AGMO: variants seen among roughly 807,000 people sequenced by gnomAD.
The protein encoded by AGMO is alkylglycerol monooxygenase.
A neutral mutation model predicts 60.2 loss-of-function variants in AGMO; 75 were observed. That is an observed-to-expected ratio of 1.25 (90% CI 1.03 to 1.51). AGMO has a LOEUF of 1.51. Among genes scored for constraint, AGMO ranks in the 40% most tolerant of loss-of-function variants. The probability of loss-of-function intolerance (pLI) is 0.00; values close to 1 mark genes in which losing one functional copy is unlikely to be tolerated. For missense variants in AGMO, 763 were observed against 525.5 expected (o/e 1.45, Z -4.42); for synonymous variants, 261 against 177.1 (o/e 1.47, Z -3.76).
At chr7:15,380,694 T>C (rs911800770) in intron 10 of AGMO, among the ~76,000 whole-genome samples, 1 of 152,116 alleles carries the variant, frequency 6.6e-6, no homozygotes, top group African/African-American at 2.4e-5. Flanking sequence ...AAAATGCACA[T>C]GGAACCAATA....
chr7:15,450,804 C>T (rs954590443), intron 3 of AGMO, among the ~76,000 whole-genome samples: 37 of 152,128 alleles, frequency 2.4e-4, no homozygotes, highest in Middle Eastern at 3.2e-3. Flanking sequence ...TATTCACTCT[C>T]CTTTAATAAA....
At chr7:15,470,813 A>G (rs1368002808) in intron 3 of AGMO, among the ~76,000 whole-genome samples, 1 of 151,998 alleles carries the variant, frequency 6.6e-6, no homozygotes, top group Non-Finnish European at 1.5e-5. Flanking sequence ...ACCAATAAAC[A>G]TAAATACTTA....
chr7:15,140,761 T>C, the AGMO span, among the ~76,000 whole-genome samples: 2 of 152,206 alleles, frequency 1.3e-5, no homozygotes, highest in Admixed American at 1.3e-4. Context: ...TTTTTTTACA[T>C]ACTTTTTTGC....
At chr7:15,464,654 G>A (rs988165295) in intron 3 of AGMO, among the ~76,000 whole-genome samples, 3 of 152,242 alleles carry the variant, frequency 2.0e-5, no homozygotes, top group Admixed American at 6.5e-5. Flanking sequence ...AATCTGAGGT[G>A]AGGTTAGAGG....
At chr7:15,227,153 G>T (rs570730258) in intron 12 of AGMO, among the ~76,000 whole-genome samples, 1 of 151,912 alleles carries the variant, frequency 6.6e-6, no homozygotes, top group Non-Finnish European at 1.5e-5. Flanking sequence ...TTGAACTCCT[G>T]CATACCAAAC....
At chr7:15,441,619 T>C (rs1172507305) in intron 3 of AGMO, among the ~76,000 whole-genome samples, 1 of 151,910 alleles carries the variant, frequency 6.6e-6, no homozygotes, top group Non-Finnish European at 1.5e-5. Flanking sequence ...TCAATAGAGT[T>C]AGCTAGGATT....
chr7:15,275,242 AATATT>A (rs1283596044), intron 12 of AGMO, among the ~76,000 whole-genome samples: 2 of 152,000 alleles, frequency 1.3e-5, no homozygotes, highest in South Asian at 2.1e-4. Flanking sequence ...TTGGTATATT[AATATT>A]ATGTCTCCTC....
chr7:15,408,815 A>G (rs2128491828), intron 5 of AGMO, among the ~76,000 whole-genome samples: 1 of 151,972 alleles, frequency 6.6e-6, no homozygotes, highest in Non-Finnish European at 1.5e-5. Flanking sequence ...ATAATTAAAT[A>G]AGTAAATACA....
the AGMO span, among the ~76,000 whole-genome samples, chr7:15,183,276 GGAA>G: frequency 1.3e-5 from 2 of 151,996 alleles, no homozygotes; most frequent in Non-Finnish European, 2.9e-5. Flanking sequence ...CCACAAAACT[GGAA>G]GAAGATTCAA....
intron 12 of AGMO, among the ~76,000 whole-genome samples, chr7:15,341,199 C>G (rs1781836145): frequency 1.3e-5 from 2 of 152,172 alleles, no homozygotes; most frequent in African/African-American, 4.8e-5. Flanking sequence ...TGAAATTTCT[C>G]TCCAGAAAAT....
At chr7:15,146,457 T>A in the AGMO span, among the ~76,000 whole-genome samples, 1 of 151,636 alleles carries the variant, frequency 6.6e-6, no homozygotes, top group Non-Finnish European at 1.5e-5. Flanking sequence ...AATCATTTCC[T>A]AGGCCTAGCT....
chr7:15,324,148 G>A (rs780739383), intron 12 of AGMO, among the ~76,000 whole-genome samples: 36 of 152,246 alleles, frequency 2.4e-4, no homozygotes, highest in Non-Finnish European at 4.6e-4. Flanking sequence ...TTACTCCAGC[G>A]CAGCAACCCA....
intron 12 of AGMO, among the ~76,000 whole-genome samples, chr7:15,295,070 A>G (rs1171340633): frequency 6.6e-6 from 1 of 151,906 alleles, no homozygotes; most frequent in African/African-American, 2.4e-5. Flanking sequence ...TATGAACATA[A>G]TTATAATTGC....
rs1345759463 is a variant in AGMO at position 15,475,441 on chromosome 7, A to G, written c.410-44333T>C. On this transcript the variant is annotated intron_variant, in intron 3 of 12. Transcript: ENST00000342526. ...TCATTCTCAGGAAACTAACACAGGA[A>G]CAGAAAACCAAACACCGCATGTTCT... is the stretch of plus-strand genomic sequence containing the variant. Among the ~76,000 whole-genome samples the G allele has an allele frequency of 5.3e-5, 8 of 152,242 alleles. No homozygotes were observed. In the East Asian group the frequency reaches 1.5e-3, roughly 29 times the overall value.
At position 15,281,671 on chromosome 7, in the gene AGMO, G is replaced by T. The variant is rs568605010; in HGVS notation, c.1264-80312C>A. Among the ~76,000 whole-genome samples, 201 of 152,216 alleles carry T rather than the reference G, an allele frequency of 1.3e-3. 1 individual carries two copies. Among genetic ancestry groups the T allele is most frequent in the Non-Finnish European group, 1.5e-4 (10 of 68,012 alleles). ...TCCTCCATGCACTTCTGTCAGGACAGAGGCATTTGCAATACCCATTGATGG... is the reference window on the plus strand; with the variant it reads ...TCCTCCATGCACTTCTGTCAGGACATAGGCATTTGCAATACCCATTGATGG... On this transcript the variant is annotated intron_variant, in intron 12 of 12. Coordinates refer to ENST00000342526, the MANE Select transcript of AGMO (RefSeq NM_001004320.2).
the AGMO span, among the ~76,000 whole-genome samples, chr7:15,167,944 T>C: frequency 6.6e-6 from 1 of 152,206 alleles, no homozygotes; most frequent in Non-Finnish European, 1.5e-5. Flanking sequence ...CAATGAGCTG[T>C]CTCTATAGAA....
At chr7:15,208,061 C>G (rs1781486969) in intron 12 of AGMO, among the ~76,000 whole-genome samples, 1 of 152,172 alleles carries the variant, frequency 6.6e-6, no homozygotes, top group African/African-American at 2.4e-5. Flanking sequence ...TCATGAATCA[C>G]AAATTATGCC....
chr7:15,387,271 G>A (rs1339838947), intron 9 of AGMO, 135 bp downstream of exon 9: 2 of 968,250 alleles, frequency 2.1e-6, no homozygotes, highest in East Asian at 2.4e-5. Context: ...AGTAAGTTAT[G>A]CACCACAGGA....
At chr7:15,526,716 CT>C (rs1240725669) in intron 3 of AGMO, among the ~76,000 whole-genome samples, 1 of 152,132 alleles carries the variant, frequency 6.6e-6, no homozygotes, top group Non-Finnish European at 1.5e-5. Flanking sequence ...TTGTGCTACA[CT>C]TTATTGGGCT....
Sources: gnomAD v4.1 joint callset for allele counts (sites outside exome capture counted in the v4.1 genomes callset) on GRCh38, gnomAD v4.1.1 for gene constraint, MANE v1.5 for transcripts, NCBI Gene and HGNC (gene_info 2026-07-23, HGNC 2026-07-21) for gene names.